NAALADL2: variants seen among roughly 807,000 people sequenced by gnomAD.
NAALADL2 encodes inactive N-acetylated-alpha-linked acidic dipeptidase-like protein 2.
NAALADL2 carries 76 observed loss-of-function variants against 87.2 expected under a neutral mutation model. The observed-to-expected ratio is 0.87, with a 90% CI of 0.72 to 1.05. The LOEUF (loss-of-function observed/expected upper bound fraction) is 1.05. Ranked by LOEUF, NAALADL2 falls within the 50% of genes least tolerant of loss-of-function variation. The pLI is 0.00. For synonymous variants in NAALADL2, 354 were observed against 331.0 expected, an observed-to-expected ratio of 1.07 and a Z score of -0.75; for missense variants, 1,089 against 945.8, an observed-to-expected ratio of 1.15 and a Z score of -1.99.
At chr3:174,834,765 A>G (rs1723137790) in intron 3 of NAALADL2, among the ~76,000 whole-genome samples, 1 of 151,878 alleles carries the variant, frequency 6.6e-6, no homozygotes, top group Admixed American at 6.6e-5. Context: ...GAAATTTATA[A>G]AATGTTTCAG....
chr3:174,898,112 CAAAAAAAAAAAAAAAA>C (rs913382744), intron 1 of NAALADL2, among the ~76,000 whole-genome samples: 7 of 14,498 alleles, frequency 4.8e-4, no homozygotes, highest in African/African-American at 8.2e-4. Flanking sequence ...GACTCCGTCT[CAAAAAAAAAAAAAAAA>C]AAAAAAAAAA....
chr3:175,459,063 G>C (rs1722736028), intron 6 of NAALADL2, among the ~76,000 whole-genome samples: 2 of 151,934 alleles, frequency 1.3e-5, no homozygotes, highest in Admixed American at 1.3e-4. Context: ...GATATACCAT[G>C]CTGGACCACA....
chr3:175,639,114 C>A (rs1728930195), intron 11 of NAALADL2, among the ~76,000 whole-genome samples: 5 of 152,002 alleles, frequency 3.3e-5, no homozygotes, highest in African/African-American at 9.7e-5. Context: ...GTGCTTTGTC[C>A]CCTTTTCAGT....
At chr3:174,800,062 A>G (rs780691643) in intron 3 of NAALADL2, among the ~76,000 whole-genome samples, 2 of 152,198 alleles carry the variant, frequency 1.3e-5, no homozygotes, top group African/African-American at 2.4e-5. Context: ...TGTTAAAGGC[A>G]TTCAGTTTTA....
At chr3:174,587,037 A>G (rs1207226221) in intron 2 of NAALADL2, among the ~76,000 whole-genome samples, 8 of 144,094 alleles carry the variant, frequency 5.6e-5, no homozygotes, top group Non-Finnish European at 9.1e-5. Flanking sequence ...CCCGTGTCCA[A>G]GTGTTCTCAT....
chr3:174,939,879 T>G (rs562063220), intron 1 of NAALADL2, among the ~76,000 whole-genome samples: 3 of 152,122 alleles, frequency 2.0e-5, no homozygotes, highest in Non-Finnish European at 4.4e-5. Context: ...TTGCTGAAGC[T>G]GTTTATCAGC....
At chr3:175,396,470 C>T (rs182810343) in intron 5 of NAALADL2, among the ~76,000 whole-genome samples, 29 of 152,206 alleles carry the variant, frequency 1.9e-4, no homozygotes, top group Admixed American at 9.2e-4. Flanking sequence ...AATACATCCA[C>T]GGTGTGAATT....
chr3:175,630,096 C>T (rs1210567862), intron 11 of NAALADL2, among the ~76,000 whole-genome samples: 1 of 151,696 alleles, frequency 6.6e-6, no homozygotes, highest in Non-Finnish European at 1.5e-5. Context: ...TGTCTACTTG[C>T]ACTCATGTTG....
intron 3 of NAALADL2, among the ~76,000 whole-genome samples, chr3:174,833,389 A>C (rs1443593991): frequency 6.6e-6 from 1 of 152,154 alleles, no homozygotes; most frequent in Admixed American, 6.5e-5. Flanking sequence ...GCCCTATTAC[A>C]GTTAAGCAAA....
chr3:174,866,273 GA>G (rs1320001432), intron 1 of NAALADL2, among the ~76,000 whole-genome samples: 1 of 151,530 alleles, frequency 6.6e-6, no homozygotes, highest in African/African-American at 2.4e-5. Context: ...TAGAGAGAAG[GA>G]AAATACTATT....
chr3:174,686,838 A>G (rs1356485937), intron 2 of NAALADL2, among the ~76,000 whole-genome samples: 2 of 152,146 alleles, frequency 1.3e-5, no homozygotes, highest in Admixed American at 1.3e-4. Flanking sequence ...TTATAAAACT[A>G]TAAAAGCCCT....
intron 2 of NAALADL2, among the ~76,000 whole-genome samples, chr3:175,160,360 C>CTTTTTTTTTTCTTTTTTTTTTT (rs1732977768): frequency 1.8e-5 from 1 of 57,036 alleles, no homozygotes; most frequent in Non-Finnish European, 3.7e-5. Context: ...TCTTTTCTTT[C>CTTTTTTTTTTCTTTTTTTTTTT]TTTTTTTTTT....
At chr3:175,583,692 A>G (rs1256537852) in intron 10 of NAALADL2, among the ~76,000 whole-genome samples, 1 of 152,200 alleles carries the variant, frequency 6.6e-6, no homozygotes, top group Non-Finnish European at 1.5e-5. Flanking sequence ...ATGTTCAGAG[A>G]AAAAGCCTTG....
chr3:175,250,874 G>A (rs938572990), intron 3 of NAALADL2, among the ~76,000 whole-genome samples: 1 of 152,120 alleles, frequency 6.6e-6, no homozygotes, highest in African/African-American at 2.4e-5. Flanking sequence ...AGCTTGATCT[G>A]TGTAATAGTA....
At chr3:174,486,319 T>G (rs932238911) in intron 1 of NAALADL2, among the ~76,000 whole-genome samples, 1 of 152,082 alleles carries the variant, frequency 6.6e-6, no homozygotes, top group African/African-American at 2.4e-5. Context: ...TTCTTCTCCC[T>G]CTTGGAGCAT....
chr3:175,265,077 A>AT (rs763621735), intron 4 of NAALADL2, among the ~76,000 whole-genome samples: 3 of 151,642 alleles, frequency 2.0e-5, no homozygotes, highest in Non-Finnish European at 4.4e-5. Context: ...ATATGGAAAG[A>AT]TTTTATCAAG....
At chr3:175,189,247 A>G (rs1737790305) in intron 2 of NAALADL2, among the ~76,000 whole-genome samples, 1 of 152,214 alleles carries the variant, frequency 6.6e-6, no homozygotes. Context: ...GCAATCAGAC[A>G]AGAAGAGAAA....
chr3:175,674,948 A>G lies in NAALADL2; in HGVS notation c.1896+47562A>G, dbSNP rs559067872. On this transcript the variant is annotated intron_variant, in intron 11 of 13. Transcript: ENST00000454872. ...ATATCAAACTTAATAGCAAAGAAGC[A>G]AAGTATAATACTGCTACATGCCATT... 4 of 152,338 alleles carry G rather than the reference A, an allele frequency of 2.6e-5. No individual in the cohort carries two copies. The South Asian group carries it at 8.3e-4, about 32-fold the overall frequency. 9.4% of individuals were successfully genotyped at this position (152,338 alleles called of 1,614,324 possible). A position where few individuals can be genotyped will look rare whatever the true frequency, so the allele number is the denominator to read the frequency against.
At chr3:175,297,319 A>G (rs932744406) in intron 4 of NAALADL2, among the ~76,000 whole-genome samples, 3 of 152,200 alleles carry the variant, frequency 2.0e-5, no homozygotes, top group African/African-American at 7.2e-5. Context: ...ATTAAAATGA[A>G]TTATCAGCTA....
Sources: gnomAD v4.1 joint callset for allele counts (sites outside exome capture counted in the v4.1 genomes callset) on GRCh38, gnomAD v4.1.1 for gene constraint, MANE v1.5 for transcripts, NCBI Gene and HGNC (gene_info 2026-07-23, HGNC 2026-07-21) for gene names.